CPPED1: variants seen among roughly 807,000 people sequenced by gnomAD.
The protein encoded by CPPED1 is serine/threonine-protein phosphatase CPPED1.
CPPED1 carries 28 observed loss-of-function variants against 28.0 expected under a neutral mutation model. The ratio of observed to expected loss-of-function variants is 1.00; its 90% CI spans 0.74 to 1.37. The LOEUF (loss-of-function observed/expected upper bound fraction) is 1.37. Among genes scored for constraint, CPPED1 ranks in the 40% most tolerant of loss-of-function variants. CPPED1 has a pLI of 0.00. For synonymous variants in CPPED1, 198 were observed against 180.2 expected, an observed-to-expected ratio of 1.10 and a Z score of -0.79; for missense variants, 504 against 416.5, an observed-to-expected ratio of 1.21 and a Z score of -1.83.
intron 1 of CPPED1, among the ~76,000 whole-genome samples, chr16:12,802,526 G>A (rs1365834583): frequency 2.0e-5 from 3 of 152,174 alleles, no homozygotes; most frequent in African/African-American, 4.8e-5. Flanking sequence ...GCTTGAACCC[G>A]GGAGGCGGAG....
chr16:12,759,102 A>G (rs912631530), intron 2 of CPPED1, among the ~76,000 whole-genome samples: 16 of 149,712 alleles, frequency 1.1e-4, no homozygotes, highest in Admixed American at 2.0e-4. Context: ...AGTAGAGGCT[A>G]CAGTGAGGTA....
At chr16:12,777,023 G>C (rs4781334) in intron 2 of CPPED1, among the ~76,000 whole-genome samples, 109,262 of 152,134 alleles carry the variant, frequency 0.72, 39,382 homozygotes, top group African/African-American at 0.77. Context: ...TACTCAGTCT[G>C]AAATTTGTCT....
chr16:12,704,496 G>T, intron 3 of CPPED1, 128 bp downstream of exon 3: 1 of 931,108 alleles, frequency 1.1e-6, no homozygotes, highest in Non-Finnish European at 1.6e-6. Context: ...TCCAAGAGCT[G>T]GTATCAGAAC....
intron 2 of CPPED1, chr16:12,761,230 T>C (rs2080407726): frequency 6.9e-6 from 1 of 144,728 alleles, no homozygotes; most frequent in Non-Finnish European, 1.5e-5. Context: ...TGAGCCGAGA[T>C]TGCGCCACCG....
chr16:12,803,161 T>A (rs2080670918), intron 1 of CPPED1, among the ~76,000 whole-genome samples: 2 of 152,242 alleles, frequency 1.3e-5, no homozygotes, highest in African/African-American at 4.8e-5. Flanking sequence ...ATCCAAGCAC[T>A]TCACTACGAC....
chr16:12,688,248 C>T (rs142513074), intron 3 of CPPED1, among the ~76,000 whole-genome samples: 1 of 151,556 alleles, frequency 6.6e-6, no homozygotes, highest in East Asian at 1.9e-4. Flanking sequence ...AAAGTACTTG[C>T]ACATCTTCAC....
At chr16:12,796,703 C>T (rs773471416) in intron 1 of CPPED1, among the ~76,000 whole-genome samples, 2 of 152,096 alleles carry the variant, frequency 1.3e-5, no homozygotes, top group African/African-American at 2.4e-5. Context: ...TACCGTATGA[C>T]TCAGCAATTC....
At chr16:12,739,002 T>TG (rs1182053019) in intron 2 of CPPED1, among the ~76,000 whole-genome samples, 1 of 152,006 alleles carries the variant, frequency 6.6e-6, no homozygotes, top group Non-Finnish European at 1.5e-5. Flanking sequence ...CACCACACGG[T>TG]GAAGGGTGAG....
At chr16:12,773,683 T>G (rs1254363347) in intron 2 of CPPED1, among the ~76,000 whole-genome samples, 1 of 152,174 alleles carries the variant, frequency 6.6e-6, no homozygotes, top group African/African-American at 2.4e-5. Flanking sequence ...ATCATGACAC[T>G]GTACCCAGCC....
At chr16:12,753,444 CA>C (rs2080343811) in intron 2 of CPPED1, 1 of 152,374 alleles carries the variant, frequency 6.6e-6, no homozygotes, top group South Asian at 2.1e-4. Context: ...AAGGAACAAA[CA>C]AAAGCAGCAG....
chr16:12,728,850 G>A (rs144369660), intron 2 of CPPED1, among the ~76,000 whole-genome samples: 5 of 152,284 alleles, frequency 3.3e-5, no homozygotes, highest in Non-Finnish European at 7.4e-5. Flanking sequence ...GCCCAGCTTG[G>A]GCAACATACG....
intron 3 of CPPED1, among the ~76,000 whole-genome samples, chr16:12,683,583 C>T (rs2079917278): frequency 1.3e-5 from 2 of 152,212 alleles, no homozygotes; most frequent in African/African-American, 4.8e-5. Context: ...CACACCCCTC[C>T]TCGTGTGGGT....
intron 2 of CPPED1, among the ~76,000 whole-genome samples, chr16:12,774,864 C>T (rs1426659134): frequency 6.6e-6 from 1 of 152,030 alleles, no homozygotes; most frequent in Non-Finnish European, 1.5e-5. Context: ...CTCTGTCACC[C>T]AGGCTGGAGT....
Position 12,660,784 on chromosome 16 carries a change from A to T in CPPED1, c.*4102T>A, listed in dbSNP as rs1475504700. The stretch of plus-strand genomic sequence containing the variant: ...GCTACCTAATATTGTGACTGCACAA[A>T]ACCATTTTAGGTACCACTTGGGAAT... On this transcript the variant is annotated 3_prime_UTR_variant, in exon 4 of 4. Coordinates refer to ENST00000381774, the MANE Select transcript of CPPED1 (RefSeq NM_018340.3). 6.6e-6 allele frequency: 1 copy of T among 152,222 alleles called. No individual in the cohort carries two copies. The highest frequency in any genetic ancestry group is 2.4e-5 in the African/African-American group (1 of 41,452). The allele number at this position is 152,222 out of a possible 1,614,324, so 9.4% of individuals were successfully genotyped here.
intron 1 of CPPED1, among the ~76,000 whole-genome samples, chr16:12,796,976 C>T (rs2080631378): frequency 6.6e-6 from 1 of 152,104 alleles, no homozygotes. Flanking sequence ...CCTCAGAAAC[C>T]TTATGCTACC....
intron 2 of CPPED1, among the ~76,000 whole-genome samples, chr16:12,711,263 T>C (rs190691078): frequency 5.2e-4 from 79 of 152,320 alleles, no homozygotes; most frequent in Non-Finnish European, 1.8e-4. Context: ...ATGTCACTTA[T>C]ATGAGGCACT....
intron 2 of CPPED1, among the ~76,000 whole-genome samples, chr16:12,735,525 A>C (rs1430997549): frequency 6.6e-6 from 1 of 152,220 alleles, no homozygotes; most frequent in African/African-American, 2.4e-5. Flanking sequence ...GGCTGGCCTC[A>C]AACTCTTGAC....
At chr16:12,778,280 T>C (rs1248442572) in intron 2 of CPPED1, among the ~76,000 whole-genome samples, 10 of 143,558 alleles carry the variant, frequency 7.0e-5, no homozygotes, top group Non-Finnish European at 1.5e-4. Flanking sequence ...TTTCTTTCTT[T>C]TTTTTTTTTT....
rs1167653121 is a variant in CPPED1 at position 12,663,859 on chromosome 16, A to G, written c.*1027T>C. 6.6e-6 allele frequency: 1 copy of G among 152,236 alleles called. No homozygotes were observed. Among genetic ancestry groups the G allele is most frequent in the African/African-American group, 2.4e-5 (1 of 41,456 alleles). The allele number at this position is 152,236 out of a possible 1,614,324, so 9.4% of individuals were successfully genotyped here. On this transcript the variant is annotated 3_prime_UTR_variant, in exon 4 of 4. Coordinates refer to ENST00000381774, the MANE Select transcript of CPPED1 (RefSeq NM_018340.3). Reference sequence around the variant, plus strand: ...GAAGCTGCTGAGAAGATGCGGTAAAACAGGTTACATAAAAAACAATGCTGG... The same window carrying G: ...GAAGCTGCTGAGAAGATGCGGTAAAGCAGGTTACATAAAAAACAATGCTGG...
Sources: gnomAD v4.1 joint callset for allele counts (sites outside exome capture counted in the v4.1 genomes callset) on GRCh38, gnomAD v4.1.1 for gene constraint, MANE v1.5 for transcripts, NCBI Gene and HGNC (gene_info 2026-07-23, HGNC 2026-07-21) for gene names.